Variants in VPS13B observed in about 807,000 individuals in gnomAD.
VPS13B encodes the protein vacuolar protein sorting 13 homolog B, also known as intermembrane lipid transfer protein VPS13B.
In VPS13B, 285 loss-of-function variants were observed where a neutral mutation model predicts 426.4. The ratio of observed to expected loss-of-function variants is 0.67; its 90% CI spans 0.61 to 0.74. The LOEUF is 0.74. Ranked by LOEUF, VPS13B falls within the 30% of genes least tolerant of loss-of-function variation. The pLI is 0.00. For missense variants in VPS13B, 4,537 were observed against 4,782.6 expected, an observed-to-expected ratio of 0.95 and a Z score of 1.51; for synonymous variants, 1,676 against 1,676.4, an observed-to-expected ratio of 1.00 and a Z score of 0.01.
rs1554883859 is a variant in VPS13B at position 99,640,043 on chromosome 8, G to GAGAA, written c.5221-1767_5221-1766insGAAA. ...ATAATAATAAGAAGAAGAAGAAGAA[G>GAGAA]AAGAAGAGAAAAGAAAAGAAAAGAA... On this transcript the variant is annotated intron_variant, in intron 33 of 61. Coordinates refer to ENST00000357162, the MANE Select transcript of VPS13B (RefSeq NM_152564.5). Among the ~76,000 whole-genome samples, 489 of 82,098 alleles carry GAGAA rather than the reference G, an allele frequency of 6.0e-3. 10 individuals carry two copies. The highest frequency in any genetic ancestry group is 9.1e-3 in the South Asian group (21 of 2,314). The allele number at this position is 82,098 out of a possible 152,430, so 53.9% of individuals were successfully genotyped here. A position where few individuals can be genotyped will look rare whatever the true frequency, so the allele number is the denominator to read the frequency against.
intron 4 of VPS13B, among the ~76,000 whole-genome samples, chr8:99,099,766 C>CGAGT (rs1563539302): frequency 6.6e-6 from 1 of 151,858 alleles, no homozygotes; most frequent in Non-Finnish European, 1.5e-5. Flanking sequence ...AGGAAGAACA[C>CGAGT]GAGTAAAGTT....
chr8:99,385,318 T>C (rs757200270), intron 20 of VPS13B, among the ~76,000 whole-genome samples: 6 of 152,356 alleles, frequency 3.9e-5, no homozygotes, highest in East Asian at 1.9e-4. Flanking sequence ...TCCCATCAAC[T>C]TAAGTATAAT....
chr8:99,455,722 A>G (rs1275153155), intron 23 of VPS13B, among the ~76,000 whole-genome samples: 1 of 152,128 alleles, frequency 6.6e-6, no homozygotes, highest in African/African-American at 2.4e-5. Context: ...GAATCATACA[A>G]TATATAGTCT....
intron 61 of VPS13B, among the ~76,000 whole-genome samples, chr8:99,872,849 A>C (rs1817496443): frequency 6.6e-6 from 1 of 152,176 alleles, no homozygotes; most frequent in Non-Finnish European, 1.5e-5. Context: ...GGGTAAAATT[A>C]TCTGAGAAGA....
At chr8:99,336,366 A>G (rs1433258034) in intron 19 of VPS13B, among the ~76,000 whole-genome samples, 1 of 152,208 alleles carries the variant, frequency 6.6e-6, no homozygotes, top group African/African-American at 2.4e-5. Flanking sequence ...AATTAATTCA[A>G]GATGGATTAA....
intron 27 of VPS13B, among the ~76,000 whole-genome samples, chr8:99,503,906 A>T (rs1821363163): frequency 6.6e-6 from 1 of 152,212 alleles, no homozygotes; most frequent in Admixed American, 6.5e-5. Context: ...AATGGTGTCT[A>T]CAGTGGTGAA....
At chr8:99,292,815 T>A in intron 19 of VPS13B, among the ~76,000 whole-genome samples, 1 of 152,188 alleles carries the variant, frequency 6.6e-6, no homozygotes, top group East Asian at 1.9e-4. Flanking sequence ...TGCAACTGTT[T>A]GTAACTTTCC....
intron 19 of VPS13B, among the ~76,000 whole-genome samples, chr8:99,295,316 T>A (rs1349415017): frequency 6.6e-6 from 1 of 152,156 alleles, no homozygotes; most frequent in Non-Finnish European, 1.5e-5. Flanking sequence ...GAAATAAGTA[T>A]CTTTTGAAAG....
intron 19 of VPS13B, among the ~76,000 whole-genome samples, chr8:99,363,253 C>T (rs1164000079): frequency 2.6e-5 from 4 of 152,136 alleles, no homozygotes; most frequent in Non-Finnish European, 4.4e-5. Context: ...CAGCACCATT[C>T]ATTGAAGAGA....
chr8:99,173,545 GAGAT>G, intron 16 of VPS13B, among the ~76,000 whole-genome samples: 2 of 152,242 alleles, frequency 1.3e-5, no homozygotes, highest in South Asian at 4.1e-4. Flanking sequence ...AATGAACCTG[GAGAT>G]AGATCTTCCT....
intron 3 of VPS13B, among the ~76,000 whole-genome samples, chr8:99,074,507 C>CA (rs879524448): frequency 0.01 from 1,037 of 100,792 alleles, 7 homozygotes; most frequent in African/African-American, 0.031. Context: ...GACTCCGTCT[C>CA]AAAAAAAAAA....
rs1814454254 is a variant in VPS13B, at chr8:99,391,648, A to T, written c.3026A>T (p.Gln1009Leu). The change falls in exon 21 of 62, where the codon CAA (glutamine) becomes CTA (leucine). Residue 1009 changes from glutamine to leucine, a missense_variant. By Grantham distance (113) the Gln-to-Leu change is moderately radical (BLOSUM62 -2). This residue lies in a region of VPS13B where 4,311 missense variants were observed against 4,474.3 expected (regional missense o/e 0.96). Transcript: ENST00000357162. ...GGAAGTGCCCCCTTGGCAAAGCAGCAATCATATCAGGCCTCTGAATATGCC... is the reference window on the plus strand; with the variant it reads ...GGAAGTGCCCCCTTGGCAAAGCAGCTATCATATCAGGCCTCTGAATATGCC... ...SIGSAPLAKQ[Q>L]SYQASEYASS... The T allele has an allele frequency of 1.2e-6, 2 of 1,614,196 alleles. No individual in the cohort carries two copies. Among genetic ancestry groups the T allele is most frequent in the Non-Finnish European group, 1.7e-6 (2 of 1,180,022 alleles).
chr8:99,038,401 A>G (rs1842835810), intron 2 of VPS13B, 22 bp from the exon 3 acceptor site: 7 of 1,574,674 alleles, frequency 4.4e-6, no homozygotes, highest in African/African-American at 4.0e-5. Context: ...ACTAATTTTT[A>G]TGTAATGTTT....
chr8:99,635,857 T>C (rs1020745018), intron 33 of VPS13B, among the ~76,000 whole-genome samples: 43 of 152,074 alleles, frequency 2.8e-4, no homozygotes, highest in Admixed American at 1.8e-3. Flanking sequence ...ATTATTCAAA[T>C]GTGGTTTTAT....
intron 35 of VPS13B, among the ~76,000 whole-genome samples, chr8:99,688,385 G>C (rs1249702741): frequency 2.0e-5 from 3 of 151,994 alleles, no homozygotes; most frequent in South Asian, 2.1e-4. Flanking sequence ...TGGATGGAAT[G>C]CTGGAGAGAA....
At chr8:99,310,778 G>C (rs1025693689) in intron 19 of VPS13B, among the ~76,000 whole-genome samples, 1 of 152,116 alleles carries the variant, frequency 6.6e-6, no homozygotes, top group Non-Finnish European at 1.5e-5. Flanking sequence ...GCTCCTCCTT[G>C]TACCTCTGGT....
intron 33 of VPS13B, among the ~76,000 whole-genome samples, chr8:99,619,807 G>A (rs1223950800): frequency 2.0e-5 from 3 of 151,916 alleles, no homozygotes; most frequent in African/African-American, 7.3e-5. Flanking sequence ...GGAAGTGGAG[G>A]TTGTATGCAG....
At chr8:99,233,670 T>TG in intron 17 of VPS13B, 3 of 836,840 alleles carry the variant, frequency 3.6e-6, no homozygotes, top group Admixed American at 1.7e-5. Context: ...CCCTTCACAG[T>TG]GATGGTTCTT....
chr8:99,467,951 G>A (rs1333345540), intron 24 of VPS13B, among the ~76,000 whole-genome samples: 1 of 152,140 alleles, frequency 6.6e-6, no homozygotes, highest in Admixed American at 6.6e-5. Context: ...TGAACTGATC[G>A]AGTGTAATTT....
Sources: gnomAD v4.1 joint callset for allele counts (sites outside exome capture counted in the v4.1 genomes callset) on GRCh38, gnomAD v4.1.1 for gene constraint, gnomAD v4.1.1 regional missense constraint, MANE v1.5 for transcripts, NCBI Gene and HGNC (gene_info 2026-07-23, HGNC 2026-07-21) for gene names.